Variants in PCSK5 observed in about 807,000 individuals in gnomAD.
PCSK5 encodes the protein prohormone convertase 5.
A neutral mutation model predicts 233.2 loss-of-function variants in PCSK5; 129 were observed. That is an observed-to-expected ratio of 0.55 (90% confidence interval 0.48 to 0.64). The LOEUF (loss-of-function observed/expected upper bound fraction) is 0.64, where lower values mean the gene tolerates loss of function less well. Among genes scored for constraint, PCSK5 ranks in the 30% least tolerant of loss-of-function variants. The probability of loss-of-function intolerance (pLI) is 0.00; values close to 1 mark genes in which losing one functional copy is unlikely to be tolerated. For missense variants in PCSK5, 2,076 were observed against 2,430.1 expected (o/e 0.85, Z 3.06); for synonymous variants, 825 against 879.2 (o/e 0.94, Z 1.09).
At chr9:76,278,319 G>A (rs1827754080) in intron 24 of PCSK5, among the ~76,000 whole-genome samples, 1 of 152,202 alleles carries the variant, frequency 6.6e-6, no homozygotes, top group African/African-American at 2.4e-5. Flanking sequence ...ACACCCCACG[G>A]AAGAACATCA....
chr9:76,291,332 G>A (rs962423942), intron 24 of PCSK5, among the ~76,000 whole-genome samples: 1 of 152,172 alleles, frequency 6.6e-6, no homozygotes, highest in African/African-American at 2.4e-5. Context: ...AAATGATATA[G>A]TTTTATTTTG....
chr9:76,136,748 C>T (rs1314390025), intron 10 of PCSK5, among the ~76,000 whole-genome samples: 1 of 151,936 alleles, frequency 6.6e-6, no homozygotes, highest in Admixed American at 6.6e-5. Context: ...AATAGGAGAA[C>T]AATTTCACAA....
intron 24 of PCSK5, among the ~76,000 whole-genome samples, chr9:76,265,957 T>G (rs1010591183): frequency 2.6e-5 from 4 of 152,198 alleles, no homozygotes; most frequent in African/African-American, 4.8e-5. Flanking sequence ...GAAGGAAATA[T>G]TAGCTCTTGG....
chr9:75,935,662 T>G (rs1212849318), intron 2 of PCSK5, among the ~76,000 whole-genome samples: 1 of 152,216 alleles, frequency 6.6e-6, no homozygotes, highest in Non-Finnish European at 1.5e-5. Flanking sequence ...GTCATATTTC[T>G]TCAGCTTTCT....
chr9:75,906,132 G>A (rs947119829), intron 1 of PCSK5, among the ~76,000 whole-genome samples: 1 of 152,160 alleles, frequency 6.6e-6, no homozygotes, highest in Non-Finnish European at 1.5e-5. Flanking sequence ...AGGTGATGTT[G>A]GAAAGCAACA....
intron 3 of PCSK5, among the ~76,000 whole-genome samples, chr9:75,996,822 T>TG (rs1187733569): frequency 6.6e-6 from 1 of 151,748 alleles, no homozygotes; most frequent in East Asian, 1.9e-4. Context: ...AAAGTTTTTT[T>TG]TTTTTTTTTT....
At chr9:75,967,745 G>T (rs373023101) in intron 2 of PCSK5, among the ~76,000 whole-genome samples, 1 of 142,476 alleles carries the variant, frequency 7.0e-6, no homozygotes, top group Non-Finnish European at 1.5e-5. Context: ...GGCTGTGAGC[G>T]CCTCAAGGGC....
chr9:76,168,132 A>G (rs889827201), intron 12 of PCSK5, among the ~76,000 whole-genome samples: 5 of 152,154 alleles, frequency 3.3e-5, no homozygotes, highest in East Asian at 3.8e-4. Context: ...AGTCAAGTCT[A>G]TGCTATATAC....
At chr9:76,186,678 A>G (rs1163952192) in intron 17 of PCSK5, among the ~76,000 whole-genome samples, 1 of 152,042 alleles carries the variant, frequency 6.6e-6, no homozygotes, top group African/African-American at 2.4e-5. Context: ...TGCTGAACAG[A>G]TGCCAACCTC....
At chr9:76,261,796 G>A (rs538380778) in intron 24 of PCSK5, among the ~76,000 whole-genome samples, 2 of 152,208 alleles carry the variant, frequency 1.3e-5, no homozygotes, top group South Asian at 4.1e-4. Context: ...CTCATGATTT[G>A]GCTCTCTGTT....
chr9:76,345,029 AGGTATAG>A (rs1447947203), intron 35 of PCSK5, among the ~76,000 whole-genome samples: 2 of 152,078 alleles, frequency 1.3e-5, no homozygotes, highest in Non-Finnish European at 2.9e-5. Flanking sequence ...TTTGTTACAA[AGGTATAG>A]TGCATGATGC....
In PCSK5 at chr9:76,359,517, C is replaced by T. The variant is rs1830389864; in HGVS notation, c.*595C>T. 6.5e-6 allele frequency: 1 copy of T among 153,272 alleles called. No individual in the cohort carries two copies. The highest frequency in any genetic ancestry group is 1.5e-5 in the Non-Finnish European group (1 of 68,904). The allele number at this position is 153,272 out of a possible 1,614,324, so 9.5% of individuals were successfully genotyped here. A position where few individuals can be genotyped will look rare whatever the true frequency, so the allele number is the denominator to read the frequency against. ...ACCACCTGGGCTGGGCTGCTCAGGA[C>T]CTACTTGAGATAAGGGAAGAAAAGA... On this transcript the variant is annotated 3_prime_UTR_variant, in exon 38 of 38. Coordinates refer to ENST00000674117, the MANE Select transcript of PCSK5 (RefSeq NM_001372043.1).
intron 2 of PCSK5, among the ~76,000 whole-genome samples, chr9:75,977,205 A>C (rs72733269): frequency 1.5e-4 from 23 of 152,306 alleles, no homozygotes; most frequent in Non-Finnish European, 2.9e-4. Context: ...ATAAACATAC[A>C]TACAATGAAA....
At chr9:76,151,553 A>ATT (rs1276629296) in intron 10 of PCSK5, among the ~76,000 whole-genome samples, 1 of 152,124 alleles carries the variant, frequency 6.6e-6, no homozygotes, top group African/African-American at 2.4e-5. Flanking sequence ...GAAAGACTTA[A>ATT]TTATCTAACC....
intron 23 of PCSK5, among the ~76,000 whole-genome samples, chr9:76,239,702 AAAAAAAAAG>A (rs1298340674): frequency 7.8e-6 from 1 of 128,554 alleles, no homozygotes; most frequent in African/African-American, 2.6e-5. Context: ...TCTCAAAAAA[AAAAAAAAAG>A]AAAAAAAAGA....
At chr9:76,020,263 C>T (rs935104251) in intron 3 of PCSK5, among the ~76,000 whole-genome samples, 4 of 152,092 alleles carry the variant, frequency 2.6e-5, no homozygotes, top group African/African-American at 9.7e-5. Context: ...TTCAACTAGG[C>T]GGTTAAGGAA....
In PCSK5 at chr9:75,891,313, CG is replaced by C; in HGVS notation, c.137del (p.Gly46AlafsTer17). 2 of 1,559,524 alleles carry C rather than the reference CG, an allele frequency of 1.3e-6. No homozygotes were observed. Among genetic ancestry groups the C allele is most frequent in the Non-Finnish European group, 1.7e-6 (2 of 1,157,278 alleles). ...CCAACCACTGGGCAGTCAAAATCGC[CG>C]GGGGCTTCCCGGAGGCCAACCGTAT... ...YTNHWAVKIA[G>X]GFPEANRIAS... On this transcript the variant is annotated frameshift_variant, in exon 1 of 38. Transcript: ENST00000674117. LOFTEE classifies it high-confidence loss of function.
intron 3 of PCSK5, among the ~76,000 whole-genome samples, chr9:76,009,195 C>T (rs900808932): frequency 3.3e-5 from 5 of 152,034 alleles, no homozygotes; most frequent in African/African-American, 9.6e-5. Context: ...TTATAACAAA[C>T]GTAGTGATCA....
intron 24 of PCSK5, among the ~76,000 whole-genome samples, chr9:76,249,537 C>T (rs1288960710): frequency 6.6e-6 from 1 of 152,180 alleles, no homozygotes; most frequent in South Asian, 2.1e-4. Context: ...TTAGAAGCTA[C>T]AATACCCCAG....
Sources: gnomAD v4.1 joint callset for allele counts (sites outside exome capture counted in the v4.1 genomes callset) on GRCh38, gnomAD v4.1.1 for gene constraint, MANE v1.5 for transcripts, NCBI Gene and HGNC (gene_info 2026-07-23, HGNC 2026-07-21) for gene names.